Variants in ZSCAN25 observed in about 807,000 individuals in gnomAD.
The protein encoded by ZSCAN25 is zinc finger and SCAN domain-containing protein 25.
A neutral mutation model predicts 38.7 loss-of-function variants in ZSCAN25; 27 were observed. The observed-to-expected ratio is 0.70, with a 90% confidence interval of 0.51 to 0.96. ZSCAN25 has a LOEUF of 0.96. Among genes scored for constraint, ZSCAN25 ranks in the 40% least tolerant of loss-of-function variants. The pLI, the probability that ZSCAN25 is intolerant of heterozygous loss-of-function variation, is 0.00. For synonymous variants in ZSCAN25, 273 were observed against 277.7 expected (o/e 0.98, Z 0.17); for missense variants, 637 against 705.9 (o/e 0.90, Z 1.11).
the ZSCAN25 span, among the ~76,000 whole-genome samples, chr7:99,693,944 G>A: frequency 2.0e-5 from 3 of 152,224 alleles, no homozygotes; most frequent in South Asian, 4.1e-4. Context: ...CTGGCAGTTA[G>A]AGGAATCTTA....
chr7:99,694,732 G>T, the ZSCAN25 span, among the ~76,000 whole-genome samples: 1 of 145,782 alleles, frequency 6.9e-6, no homozygotes, highest in African/African-American at 2.8e-5. Context: ...ACAAGCCTCA[G>T]GTATGCGGGA....
the ZSCAN25 span, among the ~76,000 whole-genome samples, chr7:99,701,063 A>G: frequency 6.6e-6 from 1 of 152,194 alleles, no homozygotes; most frequent in African/African-American, 2.4e-5. Flanking sequence ...CCTCTCACCT[A>G]TTCATTCCTG....
the ZSCAN25 span, among the ~76,000 whole-genome samples, chr7:99,688,373 T>C: frequency 6.6e-6 from 1 of 152,186 alleles, no homozygotes; most frequent in Non-Finnish European, 1.5e-5. Flanking sequence ...GTTGGAATCC[T>C]AGTCTCTGAT....
At chr7:99,643,787 C>A in the ZSCAN25 span, among the ~76,000 whole-genome samples, 1 of 151,756 alleles carries the variant, frequency 6.6e-6, no homozygotes, top group Middle Eastern at 3.4e-3. Context: ...CTCTCAGCCC[C>A]ACATCTGAGT....
chr7:99,662,416 G>A, the ZSCAN25 span, among the ~76,000 whole-genome samples: 9 of 152,178 alleles, frequency 5.9e-5, no homozygotes, highest in African/African-American at 4.8e-5. The surrounding 1 kb of genome is among the most constrained non-coding windows in gnomAD (Gnocchi z 4.3). Flanking sequence ...TTAACCTTGC[G>A]AACACACTTT....
At chr7:99,640,192 C>T in the ZSCAN25 span, among the ~76,000 whole-genome samples, 1 of 152,182 alleles carries the variant, frequency 6.6e-6, no homozygotes, top group Non-Finnish European at 1.5e-5. Flanking sequence ...GAGTTTTGCT[C>T]TTGTTGCCCA....
At chr7:99,641,790 C>T in the ZSCAN25 span, among the ~76,000 whole-genome samples, 9 of 152,286 alleles carry the variant, frequency 5.9e-5, no homozygotes, top group South Asian at 1.7e-3. Flanking sequence ...TTGACAGAGA[C>T]GGACAACTCC....
At position 99,631,716 on chromosome 7, in the gene ZSCAN25, G is replaced by T; in HGVS notation, c.*1696G>T. The T allele has an allele frequency of 1.0e-6, 1 of 985,278 alleles. No homozygotes were observed. Among genetic ancestry groups the T allele is most frequent in the Non-Finnish European group, 1.2e-6 (1 of 829,920 alleles). 61.0% of individuals were successfully genotyped at this position (985,278 alleles called of 1,614,324 possible). On this transcript the variant is annotated 3_prime_UTR_variant, in exon 8 of 8. Coordinates refer to ENST00000394152, the MANE Select transcript of ZSCAN25 (RefSeq NM_145115.3). ...ACTTTGAAACGTGGTTTTATCACCTGTTCTTGTTAGGCAGCATGGTGTCTA... is the reference window on the plus strand; with the variant it reads ...ACTTTGAAACGTGGTTTTATCACCTTTTCTTGTTAGGCAGCATGGTGTCTA...
Position 99,631,069 on chromosome 7 carries a change from G to A in ZSCAN25, c.*1049G>A. ...AGACACATCCATGAATAAAATAGGG[G>A]GAGAAGCTGTTGACCTCGTAGAGCT... On this transcript the variant is annotated 3_prime_UTR_variant, in exon 8 of 8. Transcript: ENST00000394152. 9 of 983,948 alleles carry A rather than the reference G, an allele frequency of 9.1e-6. No homozygotes were observed. Among genetic ancestry groups the A allele is most frequent in the Non-Finnish European group, 1.1e-5 (9 of 828,592 alleles). 61.0% of individuals were successfully genotyped at this position (983,948 alleles called of 1,614,324 possible).
At chr7:99,650,446 C>T in the ZSCAN25 span, among the ~76,000 whole-genome samples, 1 of 152,094 alleles carries the variant, frequency 6.6e-6, no homozygotes, top group Non-Finnish European at 1.5e-5. Flanking sequence ...CCTATAGGAG[C>T]GTTTCTTGAG....
chr7:99,628,202 A>T (rs569107737), intron 7 of ZSCAN25, among the ~76,000 whole-genome samples: 1 of 152,352 alleles, frequency 6.6e-6, no homozygotes, highest in African/African-American at 2.4e-5. Flanking sequence ...TTTTATTTTC[A>T]TGAAAAGTTT....
At chr7:99,652,354 G>C in the ZSCAN25 span, 1 of 460,094 alleles carries the variant, frequency 2.2e-6, no homozygotes, top group Non-Finnish European at 3.8e-6. Context: ...TTTGTCTTGT[G>C]CTGGGACTGT....
the ZSCAN25 span, among the ~76,000 whole-genome samples, chr7:99,725,097 A>G: frequency 5.3e-5 from 8 of 152,274 alleles, no homozygotes; most frequent in African/African-American, 1.9e-4. Flanking sequence ...TGCCTAGTCA[A>G]GGGGTTCAAA....
chr7:99,652,873 A>G, the ZSCAN25 span: 1 of 863,754 alleles, frequency 1.2e-6, no homozygotes, highest in Non-Finnish European at 1.8e-6. Flanking sequence ...GAAGCTCCAG[A>G]GAATAACTCA....
the ZSCAN25 span, among the ~76,000 whole-genome samples, chr7:99,649,743 AT>A: frequency 1.1e-4 from 16 of 152,232 alleles, no homozygotes; most frequent in Admixed American, 9.8e-4. Context: ...GGAGAACACC[AT>A]TTAAGTCACA....
At chr7:99,645,061 G>A in the ZSCAN25 span, among the ~76,000 whole-genome samples, 1 of 152,272 alleles carries the variant, frequency 6.6e-6, no homozygotes, top group East Asian at 1.9e-4. Flanking sequence ...CGCGATCTTG[G>A]CTCACTGCAA....
the ZSCAN25 span, among the ~76,000 whole-genome samples, chr7:99,725,631 GGTTGGACT>G: frequency 2.0e-5 from 3 of 152,226 alleles, no homozygotes; most frequent in African/African-American, 4.8e-5. Flanking sequence ...TCCAATTAGA[GGTTGGACT>G]GTCTGACTCA....
chr7:99,715,560 A>G, the ZSCAN25 span: 1 of 917,482 alleles, frequency 1.1e-6, no homozygotes, highest in Non-Finnish European at 1.6e-6. Flanking sequence ...GGGGGTTGAT[A>G]GCTAAACATG....
chr7:99,718,027 T>G, the ZSCAN25 span, among the ~76,000 whole-genome samples: 1 of 151,516 alleles, frequency 6.6e-6, no homozygotes, highest in Non-Finnish European at 1.5e-5. Flanking sequence ...ATGGGCAACA[T>G]GAAAAAGAGG....
Sources: allele counts gnomAD v4.1 joint callset (sites outside exome capture counted in the v4.1 genomes callset), GRCh38; gene constraint gnomAD v4.1.1; non-coding constraint Gnocchi (gnomAD v3.1); transcripts MANE v1.5; gene names NCBI Gene and HGNC (gene_info 2026-07-23, HGNC 2026-07-21).